TLN1: variants seen among roughly 807,000 people sequenced by gnomAD.
TLN1 encodes talin 1, also known as talin-1.
A neutral mutation model predicts 292.3 loss-of-function variants in TLN1; 56 were observed. The ratio of observed to expected loss-of-function variants is 0.19; its 90% CI spans 0.15 to 0.24. The LOEUF is 0.24. Ranked by LOEUF, TLN1 falls within the 10% of genes least tolerant of loss-of-function variation. The pLI is 1.00. For synonymous variants in TLN1, 1,119 were observed against 1,253.7 expected (o/e 0.89, Z 2.27); for missense variants, 2,433 against 3,248.2 (o/e 0.75, Z 6.10).
At chr9:35,726,949 C>G (rs1825987886) in intron 1 of TLN1, among the ~76,000 whole-genome samples, 2 of 152,228 alleles carry the variant, frequency 1.3e-5, no homozygotes, top group South Asian at 4.1e-4. Flanking sequence ...TCCTCTTCAG[C>G]AAGTCTGTCT....
chr9:35,706,481 G>A lies in TLN1; in HGVS notation c.5159C>T (p.Ala1720Val), dbSNP rs1186190219. 1 of 1,613,994 alleles carries A rather than the reference G, an allele frequency of 6.2e-7. No homozygotes were observed. The highest frequency in any genetic ancestry group is 8.5e-7 in the Non-Finnish European group (1 of 1,180,024). Residue 1720 changes from alanine to valine, a missense_variant, in exon 39 of 57, where the codon GCC (alanine) becomes GTC (valine). Around this residue, in one of 7 missense-constraint regions of TLN1, gnomAD observed 1,384 missense variants for 1,699.6 expected, o/e 0.81. Coordinates refer to ENST00000314888, the MANE Select transcript of TLN1 (RefSeq NM_006289.4). The surrounding 1 kb of genome is among the most constrained non-coding windows in gnomAD (Gnocchi z 4.2). ...TCCCAGCTGGGAGGCTTCAGCCCGG[G>A]CAGCATTGGCCAGCGGCTCAATGAG... ...SHLIEPLANAARAEASQLGHK... is the reference protein window; with the variant it reads ...SHLIEPLANAVRAEASQLGHK...
chr9:35,731,800 C>G (rs947986217), intron 1 of TLN1, among the ~76,000 whole-genome samples: 1 of 152,216 alleles, frequency 6.6e-6, no homozygotes, highest in African/African-American at 2.4e-5. Flanking sequence ...CCGCTATCAG[C>G]TAACACCAAA....
intron 1 of TLN1, 63 bp from the exon 2 acceptor site, chr9:35,725,790 G>T: frequency 6.7e-7 from 1 of 1,483,638 alleles, no homozygotes. Flanking sequence ...CCCCCCAGAT[G>T]GTGGAGTCCA....
At chr9:35,722,347 T>C in intron 8 of TLN1, 124 bp from the exon 9 acceptor site, 1 of 827,082 alleles carries the variant, frequency 1.2e-6, no homozygotes, top group Non-Finnish European at 2.0e-6. Flanking sequence ...GAGTACAAGA[T>C]ATGAGAACGA....
rs1825796752 is a variant in TLN1 at position 35,717,010 on chromosome 9, ATGGTTGTG to A, written c.2458+128_2458+135del. 1.1e-6 allele frequency: 1 copy of A among 939,856 alleles called. No individual in the cohort carries two copies. The highest frequency in any genetic ancestry group is 1.7e-5 in the South Asian group (1 of 57,400). 58.2% of individuals were successfully genotyped at this position (939,856 alleles called of 1,614,324 possible). On this transcript the variant is annotated intron_variant, in intron 19 of 56. Transcript: ENST00000314888. This position sits in a 1 kb window ranked among gnomAD's most constrained non-coding sequence, Gnocchi z 4.7. ...TTCAGAGAGCTTTAATGATGAGCCTATGGTTGTGTGGCTGGCAAGCCCACACTGTGCTG... is the reference window on the plus strand; with the variant it reads ...TTCAGAGAGCTTTAATGATGAGCCTATGGCTGGCAAGCCCACACTGTGCTG...
At chr9:35,711,561 G>C in intron 29 of TLN1, 34 bp downstream of exon 29, 2 of 1,613,224 alleles carry the variant, frequency 1.2e-6, no homozygotes, top group South Asian at 2.2e-5. Context: ...CCCTTAGTGG[G>C]AACCATTCAA....
In TLN1 at chr9:35,704,010, G is replaced by A; in HGVS notation, c.6212C>T (p.Ala2071Val). ...VVKLGAASLG[A>V]EDPETQVVLI... ...CACTACCTGGGTCTCAGGGTCCTCA[G>A]CTCCCAGGCTGGCTGCACCCAGCTT... The change falls in exon 46 of 57, where the codon GCT becomes GTT. Residue 2071 changes from alanine to valine, a missense_variant. This residue lies in a region of TLN1 where 1,384 missense variants were observed against 1,699.6 expected (regional missense o/e 0.81). Transcript: ENST00000314888. This position sits in a 1 kb window ranked among gnomAD's most constrained non-coding sequence, Gnocchi z 6.9. The A allele has an allele frequency of 1.2e-6, 2 of 1,613,096 alleles. No individual in the cohort carries two copies. Among genetic ancestry groups the A allele is most frequent in the Non-Finnish European group, 1.7e-6 (2 of 1,179,272 alleles).
At position 35,697,689 on chromosome 9, in the gene TLN1, G is replaced by T; in HGVS notation, c.*102C>A. The T allele has an allele frequency of 6.6e-7, 1 of 1,513,172 alleles. No individual in the cohort carries two copies. Among genetic ancestry groups the T allele is most frequent in the Non-Finnish European group, 8.9e-7 (1 of 1,123,498 alleles). 93.7% of individuals were successfully genotyped at this position (1,513,172 alleles called of 1,614,324 possible). A position where few individuals can be genotyped will look rare whatever the true frequency, so the allele number is the denominator to read the frequency against. On this transcript the variant is annotated 3_prime_UTR_variant, in exon 57 of 57. Coordinates refer to ENST00000314888, the MANE Select transcript of TLN1 (RefSeq NM_006289.4). The stretch of plus-strand genomic sequence containing the variant: ...CCTGGGGTTTGGCAGGCACTTTGGG[G>T]AGTGCTGGGGTTGGGCAGGTTGGGC...
chr9:35,720,594 G>T, intron 11 of TLN1, 85 bp from the exon 12 acceptor site: 1 of 1,333,596 alleles, frequency 7.5e-7, no homozygotes, highest in South Asian at 1.2e-5. Context: ...TCCATAACCA[G>T]CCATTTTCCA....
intron 17 of TLN1, among the ~76,000 whole-genome samples, chr9:35,718,238 G>T (rs1183168768): frequency 6.6e-6 from 1 of 152,222 alleles, no homozygotes; most frequent in Non-Finnish European, 1.5e-5. Context: ...GGCTTCGCCA[G>T]GCCTCCTCAT....
rs529331817 is a variant in TLN1 at position 35,712,189 on chromosome 9, G to A, written c.3562-65C>T. On this transcript the variant is annotated intron_variant, in intron 27 of 56. Transcript: ENST00000314888. ...AATTTGAGAGATCGCCTCCATTCAC[G>A]CGACATGGGAGATGACTAGCTCTAC... The A allele has an allele frequency of 2.0e-4, 315 of 1,545,092 alleles. No homozygotes were observed. In the African/African-American group the frequency reaches 3.9e-3, roughly 19 times the overall value.
In TLN1 at chr9:35,704,092, A is replaced by T; in HGVS notation, c.6130T>A (p.Leu2044Met). 1 of 1,613,688 alleles carries T rather than the reference A, an allele frequency of 6.2e-7. No individual in the cohort carries two copies. The highest frequency in any genetic ancestry group is 8.5e-7 in the Non-Finnish European group (1 of 1,179,888). Residue 2044 changes from leucine (L) to methionine (M), a missense_variant, in exon 46 of 57, where the codon TTG (leucine) becomes ATG (methionine). By Grantham distance (15) the Leu-to-Met change is conservative. Coordinates refer to ENST00000314888, the MANE Select transcript of TLN1 (RefSeq NM_006289.4). This position sits in a 1 kb window ranked among gnomAD's most constrained non-coding sequence, Gnocchi z 6.9. ...ACGGAGGACTGGGCAGCCTGCGCCA[A>T]CTTCTCCTGGCTCCCAGCTGCGTTT... ...VQNAAGSQEK[L>M]AQAAQSSVAT...
At position 35,716,592 on chromosome 9, in the gene TLN1, G is replaced by A. The variant is rs747716876; in HGVS notation, c.2459-36C>T. The A allele has an allele frequency of 2.3e-5, 37 of 1,605,752 alleles. No homozygotes were observed. The Admixed American group carries it at 3.5e-4, about 15-fold the overall frequency. ...AGGGCACAGTCAGGCGAGGAAGCCA[G>A]AGACACTGAGGTGTCAGGGGTGGGG... On this transcript the variant is annotated intron_variant, in intron 19 of 56. Coordinates refer to ENST00000314888, the MANE Select transcript of TLN1 (RefSeq NM_006289.4).
In TLN1 at chr9:35,704,048, G is replaced by T; in HGVS notation, c.6174C>A (p.Leu2058=). The change falls in exon 46 of 57, where the codon CTC becomes CTA. Residue 2058 remains leucine (L), a synonymous_variant. Coordinates refer to ENST00000314888, the MANE Select transcript of TLN1 (RefSeq NM_006289.4). This position sits in a 1 kb window ranked among gnomAD's most constrained non-coding sequence, Gnocchi z 6.9. ...CTGCACCCAGCTTGACCACATCAGC[G>T]AGGCGGGTGATGGTCGCCACGGAGG... ...AQSSVATITR[L]ADVVKLGAAS... 1.2e-6 allele frequency: 2 copies of T among 1,613,834 alleles called. No homozygotes were observed. Among genetic ancestry groups the T allele is most frequent in the African/African-American group, 2.7e-5 (2 of 75,048 alleles).
rs1825806672 is a variant in TLN1 at position 35,717,456 on chromosome 9, A to C, written c.2164-16T>G. ...GTGCCACCACCTGTAGGTAAAGTGAATGTCAGAGACGTAGGCAAGGGAAAG... is the reference window on the plus strand; with the variant it reads ...GTGCCACCACCTGTAGGTAAAGTGACTGTCAGAGACGTAGGCAAGGGAAAG... On this transcript the variant is annotated splice_polypyrimidine_tract_variant and intron_variant, in intron 18 of 56. Coordinates refer to ENST00000314888, the MANE Select transcript of TLN1 (RefSeq NM_006289.4). The surrounding 1 kb of genome is among the most constrained non-coding windows in gnomAD (Gnocchi z 4.7). The C allele has an allele frequency of 6.2e-7, 1 of 1,607,044 alleles. No homozygotes were observed. The highest frequency in any genetic ancestry group is 1.3e-5 in the African/African-American group (1 of 74,828).
At chr9:35,722,827 G>T in intron 8 of TLN1, 34 bp downstream of exon 8, 1 of 1,607,220 alleles carries the variant, frequency 6.2e-7, no homozygotes, top group South Asian at 1.1e-5. Flanking sequence ...AAGCTCCGCG[G>T]TCATCCCAAA....
At chr9:35,725,539 C>A in intron 2 of TLN1, 26 bp downstream of exon 2, 2 of 1,607,604 alleles carry the variant, frequency 1.2e-6, no homozygotes, top group Non-Finnish European at 1.7e-6. Context: ...GACTCCCACT[C>A]CAGCCACCGG....
chr9:35,707,981 A>G lies in TLN1; in HGVS notation c.4471-89T>C. The G allele has an allele frequency of 3.4e-6, 5 of 1,454,662 alleles. No individual in the cohort carries two copies. The South Asian group carries it at 3.6e-5, about 11-fold the overall frequency. 90.1% of individuals were successfully genotyped at this position (1,454,662 alleles called of 1,614,324 possible). A position where few individuals can be genotyped will look rare whatever the true frequency, so the allele number is the denominator to read the frequency against. ...GCCATTTTAGGGTCAGGGGATGGAG[A>G]GCAATACCCTGAGGAGTCAAAACAG... On this transcript the variant is annotated intron_variant, in intron 34 of 56. Transcript: ENST00000314888. This position sits in a 1 kb window ranked among gnomAD's most constrained non-coding sequence, Gnocchi z 5.6.
In TLN1 at chr9:35,703,909, G is replaced by A. The variant is rs751881098; in HGVS notation, c.6232-9C>T. The A allele has an allele frequency of 6.2e-7, 1 of 1,614,102 alleles. No individual in the cohort carries two copies. The highest frequency in any genetic ancestry group is 8.5e-7 in the Non-Finnish European group (1 of 1,180,030). Reference sequence around the variant, plus strand: ...GCGTTGATTAGTACCACCTGTGTGGGAAAGCGTTGGCTCTGGTCTATGGGA... The same window carrying A: ...GCGTTGATTAGTACCACCTGTGTGGAAAAGCGTTGGCTCTGGTCTATGGGA... On this transcript the variant is annotated splice_polypyrimidine_tract_variant and intron_variant, in intron 46 of 56. Coordinates refer to ENST00000314888, the MANE Select transcript of TLN1 (RefSeq NM_006289.4).
Sources: gnomAD v4.1 joint callset for allele counts (sites outside exome capture counted in the v4.1 genomes callset) on GRCh38, gnomAD v4.1.1 for gene constraint, gnomAD v4.1.1 regional missense constraint, Gnocchi (gnomAD v3.1) non-coding constraint, MANE v1.5 for transcripts, NCBI Gene and HGNC (gene_info 2026-07-23, HGNC 2026-07-21) for gene names.